Variants in CSMD1 observed in about 807,000 individuals in gnomAD.
The protein encoded by CSMD1 is CUB and sushi domain-containing protein 1.
In CSMD1, 213 loss-of-function variants were observed where a neutral mutation model predicts 417.5. The observed-to-expected ratio is 0.51, with a 90% CI of 0.46 to 0.57. CSMD1 has a LOEUF of 0.57. Ranked by LOEUF, CSMD1 falls within the 20% of genes least tolerant of loss-of-function variation. The probability of loss-of-function intolerance (pLI) is 0.00; values close to 1 mark genes in which losing one functional copy is unlikely to be tolerated. For missense variants in CSMD1, 6,923 were observed against 4,529.7 expected (o/e 1.53, Z -15.17); for synonymous variants, 2,862 against 1,736.8 (o/e 1.65, Z -16.11).
intron 2 of CSMD1, among the ~76,000 whole-genome samples, chr8:4,446,761 G>GTGTGTGTGTGTGTGTCTGTGTGTGTC (rs1563183327): frequency 2.6e-4 from 18 of 69,048 alleles, no homozygotes; most frequent in African/African-American, 1.4e-3. Context: ...GTGTCTGTGT[G>GTGTGTGTGTGTGTGTCTGTGTGTGTC]TGTGTGTGTG....
At chr8:3,789,275 CT>C (rs1939817706) in intron 5 of CSMD1, among the ~76,000 whole-genome samples, 1 of 152,000 alleles carries the variant, frequency 6.6e-6, no homozygotes, top group South Asian at 2.1e-4. Context: ...GCCTCCTGAA[CT>C]GTTGTTTTCA....
At chr8:4,065,350 A>C (rs769587172) in intron 3 of CSMD1, among the ~76,000 whole-genome samples, 1 of 152,246 alleles carries the variant, frequency 6.6e-6, no homozygotes, top group Non-Finnish European at 1.5e-5. Context: ...GGTGTTCACC[A>C]AAGTCATGGA....
In CSMD1 at chr8:4,660,839, C is replaced by T. The variant is rs371637976; in HGVS notation, c.86-23281G>A. Among the ~76,000 whole-genome samples the T allele has an allele frequency of 8.6e-4, 130 of 151,872 alleles. 1 individual carries two copies. In the South Asian group the frequency reaches 0.011, roughly 13 times the overall value. ...ATGAAGACATTTCACTGAAGATAGGCAGATGGCAAATACCATGTTAAAAGG... is the reference window on the plus strand; with the variant it reads ...ATGAAGACATTTCACTGAAGATAGGTAGATGGCAAATACCATGTTAAAAGG... On this transcript the variant is annotated intron_variant, in intron 1 of 69. Coordinates refer to ENST00000635120, the MANE Select transcript of CSMD1 (RefSeq NM_033225.6).
chr8:3,223,818 G>C lies in CSMD1; in HGVS notation c.4395C>G (p.Pro1465=). 6.2e-7 allele frequency: 1 copy of C among 1,613,826 alleles called. No individual in the cohort carries two copies. The highest frequency in any genetic ancestry group is 8.5e-7 in the Non-Finnish European group (1 of 1,179,812). The part of the protein sequence containing the change: ...LTGPAGVILS[P]NYPQPYPPGK... ...CAGGAGGATACGGCTGTGGGTAGTTGGGTGACAAAATAACACCTGCTGGGC... is the reference window on the plus strand; with the variant it reads ...CAGGAGGATACGGCTGTGGGTAGTTCGGTGACAAAATAACACCTGCTGGGC... Residue 1465 remains proline (P), a synonymous_variant, in exon 28 of 70, where the codon CCC becomes CCG. Transcript: ENST00000635120.
chr8:4,521,037 T>C (rs566439854), intron 2 of CSMD1, among the ~76,000 whole-genome samples: 2 of 152,316 alleles, frequency 1.3e-5, no homozygotes, highest in African/African-American at 4.8e-5. Context: ...GCATATAAAA[T>C]TACTTACAGT....
chr8:4,839,678 A>T (rs990546233), intron 1 of CSMD1, among the ~76,000 whole-genome samples: 1 of 152,204 alleles, frequency 6.6e-6, no homozygotes, highest in African/African-American at 2.4e-5. Context: ...CAGATTTCAG[A>T]ATTCTCACTT....
intron 3 of CSMD1, among the ~76,000 whole-genome samples, chr8:4,111,295 A>C (rs567554084): frequency 6.6e-6 from 1 of 152,216 alleles, no homozygotes; most frequent in African/African-American, 2.4e-5. Flanking sequence ...TCTTATGAGC[A>C]GAAGAATCTG....
chr8:3,527,377 G>A (rs897820205), intron 10 of CSMD1, among the ~76,000 whole-genome samples: 18 of 152,180 alleles, frequency 1.2e-4, no homozygotes, highest in African/African-American at 3.4e-4. Context: ...GTATGATTTC[G>A]TTTGTATAAC....
intron 1 of CSMD1, among the ~76,000 whole-genome samples, chr8:4,717,986 T>G (rs957357303): frequency 6.6e-6 from 1 of 152,148 alleles, no homozygotes; most frequent in Non-Finnish European, 1.5e-5. Flanking sequence ...TTTATTTTAT[T>G]ATTTGTTTTG....
intron 10 of CSMD1, among the ~76,000 whole-genome samples, chr8:3,501,765 A>T (rs1200478997): frequency 6.6e-6 from 1 of 152,258 alleles, no homozygotes; most frequent in Non-Finnish European, 1.5e-5. Flanking sequence ...TACACATTTT[A>T]AAAGAAAATG....
chr8:3,921,884 G>T (rs983798595), intron 5 of CSMD1, among the ~76,000 whole-genome samples: 1 of 152,110 alleles, frequency 6.6e-6, no homozygotes, highest in Non-Finnish European at 1.5e-5. Flanking sequence ...GGTTCTGCAT[G>T]TGTCTGTTAG....
chr8:4,071,840 G>A (rs1005335306), intron 3 of CSMD1, among the ~76,000 whole-genome samples: 3 of 152,074 alleles, frequency 2.0e-5, no homozygotes, highest in African/African-American at 4.8e-5. Flanking sequence ...GGGGTGGTGT[G>A]CACATCCACT....
At chr8:3,853,948 T>C (rs554920874) in intron 5 of CSMD1, among the ~76,000 whole-genome samples, 53 of 146,672 alleles carry the variant, frequency 3.6e-4, no homozygotes, top group African/African-American at 1.2e-3. Context: ...AAGTATAATA[T>C]ATTAATATAT....
chr8:3,643,247 G>C (rs895843259), intron 7 of CSMD1, among the ~76,000 whole-genome samples: 1 of 152,024 alleles, frequency 6.6e-6, no homozygotes, highest in Non-Finnish European at 1.5e-5. Flanking sequence ...GCAGAACAAA[G>C]ACAAAGAGAA....
chr8:4,064,213 T>G (rs187919686), intron 3 of CSMD1, among the ~76,000 whole-genome samples: 1 of 152,348 alleles, frequency 6.6e-6, no homozygotes, highest in East Asian at 1.9e-4. Context: ...GGCTCAGATT[T>G]GTTTCTGCAT....
intron 1 of CSMD1, among the ~76,000 whole-genome samples, chr8:4,846,310 T>A (rs1449575464): frequency 1.3e-5 from 2 of 152,220 alleles, no homozygotes; most frequent in Non-Finnish European, 2.9e-5. Context: ...TACCTTACTA[T>A]CTAACAGCCT....
chr8:3,682,624 G>C (rs929831518), intron 7 of CSMD1, among the ~76,000 whole-genome samples: 10 of 152,204 alleles, frequency 6.6e-5, no homozygotes, highest in Non-Finnish European at 1.2e-4. Context: ...CATTGTGGAA[G>C]ACAGTGTGGT....
At chr8:3,852,561 G>A (rs932272150) in intron 5 of CSMD1, among the ~76,000 whole-genome samples, 4 of 152,146 alleles carry the variant, frequency 2.6e-5, no homozygotes, top group African/African-American at 7.2e-5. Context: ...GAAGGTGGGA[G>A]GAGGGATGGA....
chr8:3,287,506 G>A lies in CSMD1; in HGVS notation c.3951-3160C>T, dbSNP rs576082305. ...GCAGTGGTTTGTAGTTCTCCCTGAA[G>A]AGGTCCTTCACATCCCTTGTAAGTT... is the stretch of plus-strand genomic sequence containing the variant. On this transcript the variant is annotated intron_variant, in intron 25 of 69. Transcript: ENST00000635120. 1.3e-3 allele frequency among the ~76,000 whole-genome samples: 198 copies of A among 152,208 alleles called. 1 individual carries two copies. The highest frequency in any genetic ancestry group is 4.4e-3 in the African/African-American group (184 of 41,526).
Sources: allele counts gnomAD v4.1 joint callset (sites outside exome capture counted in the v4.1 genomes callset), GRCh38; gene constraint gnomAD v4.1.1; transcripts MANE v1.5; gene names NCBI Gene and HGNC (gene_info 2026-07-23, HGNC 2026-07-21).